The following ZNF280D variants were observed in gnomAD, a reference collection of about 807,000 sequenced individuals.
ZNF280D encodes the protein suppressor of hairy wing homolog 4.
ZNF280D carries 39 observed loss-of-function variants against 94.7 expected under a neutral mutation model. The ratio of observed to expected loss-of-function variants is 0.41; its 90% confidence interval spans 0.32 to 0.54. The LOEUF (loss-of-function observed/expected upper bound fraction) is 0.54, where lower values mean the gene tolerates loss of function less well. Among genes scored for constraint, ZNF280D ranks in the 20% least tolerant of loss-of-function variants. The probability of loss-of-function intolerance (pLI) is 0.22; values close to 1 mark genes in which losing one functional copy is unlikely to be tolerated. For synonymous variants in ZNF280D, 398 were observed against 377.6 expected (o/e 1.05, Z -0.63); for missense variants, 1,090 against 1,149.3 (o/e 0.95, Z 0.75).
Position 56,693,096 on chromosome 15 carries a change from A to G in ZNF280D, c.499+2T>C. ...CTTTATGAAAAAAATACTAAAACCA[A>G]CCTGCCATAGAAAGTGTTGGTCCCC... On this transcript the variant is annotated splice_donor_variant, in intron 7 of 21. Coordinates refer to ENST00000267807, the MANE Select transcript of ZNF280D (RefSeq NM_017661.4). LOFTEE classifies it high-confidence loss of function. 6.3e-7 allele frequency: 1 copy of G among 1,579,204 alleles called. No individual in the cohort carries two copies. Among genetic ancestry groups the G allele is most frequent in the Admixed American group, 1.7e-5 (1 of 58,212 alleles).
At chr15:56,661,272 A>C (rs1414080826) in intron 16 of ZNF280D, among the ~76,000 whole-genome samples, 1 of 152,194 alleles carries the variant, frequency 6.6e-6, no homozygotes, top group East Asian at 1.9e-4. Context: ...GGAGTTGAAA[A>C]GTAGTTAGGA....
intron 7 of ZNF280D, among the ~76,000 whole-genome samples, chr15:56,690,337 G>A (rs71478607): frequency 0.081 from 12,352 of 152,060 alleles, 666 homozygotes; most frequent in Middle Eastern, 0.15. Context: ...AGCCGAGATC[G>A]CGCCACTGCA....
At chr15:56,662,554 G>A (rs763532169) in intron 16 of ZNF280D, among the ~76,000 whole-genome samples, 4 of 152,018 alleles carry the variant, frequency 2.6e-5, no homozygotes, top group Non-Finnish European at 4.4e-5. Flanking sequence ...GGCCAGGCAC[G>A]GTGGCTCATG....
chr15:56,714,718 C>A (rs972419885), intron 1 of ZNF280D, among the ~76,000 whole-genome samples: 37 of 152,200 alleles, frequency 2.4e-4, no homozygotes, highest in African/African-American at 8.4e-4. Flanking sequence ...AGAATTAGCA[C>A]GTTAATTCTC....
Position 56,631,114 on chromosome 15 carries a change from G to A in ZNF280D, c.*384C>T, listed in dbSNP as rs1333530754. On this transcript the variant is annotated 3_prime_UTR_variant, in exon 22 of 22. Coordinates refer to ENST00000267807, the MANE Select transcript of ZNF280D (RefSeq NM_017661.4). ...TCCCTTCCTCTCAGTTAACTGAAAA[G>A]GATATACAGGTAATAAAGATTTTTA... The A allele has an allele frequency of 5.7e-6, 1 of 175,214 alleles. No homozygotes were observed. The highest frequency in any genetic ancestry group is 2.4e-5 in the African/African-American group (1 of 41,888). The allele number at this position is 175,214 out of a possible 1,614,324, so 10.9% of individuals were successfully genotyped here.
intron 7 of ZNF280D, 136 bp downstream of exon 7, chr15:56,692,961 GT>G (rs2056512070): frequency 1.9e-6 from 1 of 517,284 alleles, no homozygotes; most frequent in Non-Finnish European, 3.5e-6. Flanking sequence ...AGGTATTCAA[GT>G]ACTAGTGACG....
At chr15:56,671,321 G>A (rs2054849610) in intron 13 of ZNF280D, among the ~76,000 whole-genome samples, 1 of 152,104 alleles carries the variant, frequency 6.6e-6, no homozygotes, top group Admixed American at 6.6e-5. Context: ...TTACATTTAA[G>A]TCTTTAATCC....
At chr15:56,671,464 T>A (rs1453646820) in intron 13 of ZNF280D, among the ~76,000 whole-genome samples, 1 of 152,114 alleles carries the variant, frequency 6.6e-6, no homozygotes, top group East Asian at 1.9e-4. Flanking sequence ...TTTGTCAGGT[T>A]TGTCGAAGAT....
At chr15:56,648,954 A>C (rs2053053462) in intron 19 of ZNF280D, among the ~76,000 whole-genome samples, 1 of 152,152 alleles carries the variant, frequency 6.6e-6, no homozygotes, top group Non-Finnish European at 1.5e-5. Context: ...ATGATCTGCT[A>C]ATCTTAGAAC....
chr15:56,679,278 C>G (rs1189956815), intron 10 of ZNF280D, among the ~76,000 whole-genome samples: 1 of 152,140 alleles, frequency 6.6e-6, no homozygotes, highest in Non-Finnish European at 1.5e-5. Context: ...GCTACAGAGT[C>G]AGGAGGAAAT....
intron 11 of ZNF280D, among the ~76,000 whole-genome samples, chr15:56,678,335 G>C (rs1425975571): frequency 5.9e-5 from 9 of 152,038 alleles, no homozygotes; most frequent in African/African-American, 2.2e-4. Context: ...TAAAACAGTA[G>C]TTCTTTTTCC....
At chr15:56,712,615 AGGAAAGAAAG>A (rs2057823602) in intron 1 of ZNF280D, among the ~76,000 whole-genome samples, 1 of 146,554 alleles carries the variant, frequency 6.8e-6, no homozygotes, top group Non-Finnish European at 1.5e-5. Flanking sequence ...AAAAAAAAAA[AGGAAAGAAAG>A]AAAAGAAAAA....
intron 1 of ZNF280D, among the ~76,000 whole-genome samples, chr15:56,719,821 T>C (rs2058250081): frequency 6.8e-6 from 1 of 148,124 alleles, no homozygotes; most frequent in Non-Finnish European, 1.5e-5. Flanking sequence ...TAGTGTAGTC[T>C]AAATGTACAA....
intron 20 of ZNF280D, among the ~76,000 whole-genome samples, chr15:56,640,592 G>C (rs1439079834): frequency 1.3e-5 from 2 of 152,052 alleles, no homozygotes; most frequent in African/African-American, 4.8e-5. Flanking sequence ...TGCATCAACA[G>C]TACATTTTCA....
intron 1 of ZNF280D, among the ~76,000 whole-genome samples, chr15:56,720,528 T>C (rs770970923): frequency 2.0e-5 from 3 of 152,224 alleles, no homozygotes; most frequent in Admixed American, 6.5e-5. Flanking sequence ...CAAATGATCT[T>C]AATTGGATCT....
chr15:56,638,574 AT>A (rs1176356114), intron 20 of ZNF280D, among the ~76,000 whole-genome samples: 2 of 152,074 alleles, frequency 1.3e-5, no homozygotes, highest in Non-Finnish European at 2.9e-5. Flanking sequence ...TGAGAATCCA[AT>A]TTTTTTCTAC....
At chr15:56,725,249 T>C (rs2058574638) in intron 1 of ZNF280D, among the ~76,000 whole-genome samples, 6 of 151,536 alleles carry the variant, frequency 4.0e-5, no homozygotes. Flanking sequence ...CAGTTAATAA[T>C]GTTAAAAAAA....
chr15:56,674,684 G>T (rs2055095134), intron 13 of ZNF280D, among the ~76,000 whole-genome samples: 1 of 151,984 alleles, frequency 6.6e-6, no homozygotes, highest in African/African-American at 2.4e-5. Context: ...GATTAAACAA[G>T]AAAATGCATG....
At chr15:56,647,312 G>A (rs895441122) in intron 19 of ZNF280D, among the ~76,000 whole-genome samples, 4 of 152,134 alleles carry the variant, frequency 2.6e-5, no homozygotes, top group Admixed American at 2.0e-4. Flanking sequence ...TAAATGTGGA[G>A]AACAAATATG....
Sources: allele counts gnomAD v4.1 joint callset (sites outside exome capture counted in the v4.1 genomes callset), GRCh38; gene constraint gnomAD v4.1.1; transcripts MANE v1.5; gene names NCBI Gene and HGNC (gene_info 2026-07-23, HGNC 2026-07-21).